Variants in STON1 observed in about 807,000 individuals in gnomAD.
STON1 encodes the protein stonin 1.
A neutral mutation model predicts 60.9 loss-of-function variants in STON1; 79 were observed. The observed-to-expected ratio is 1.30, with a 90% CI of 1.08 to 1.56. The LOEUF is 1.56. Ranked by LOEUF, STON1 falls within the 40% of genes most tolerant of loss-of-function variation. STON1 has a pLI of 0.00. For synonymous variants in STON1, 363 were observed against 306.9 expected (o/e 1.18, Z -1.91); for missense variants, 1,166 against 858.9 (o/e 1.36, Z -4.47).
rs1185709999 is a variant in STON1 at position 48,592,005 on chromosome 2, C to T, written c.2133+150C>T. On this transcript the variant is annotated intron_variant, in intron 3 of 3. Coordinates refer to ENST00000404752, the MANE Select transcript of STON1 (RefSeq NM_006873.4). ...ATCTCAGCTATGGAAACTTGATGGC[C>T]ACCATTGAGCTTAGTTCTTCCTATC... The T allele has an allele frequency of 1.7e-5, 18 of 1,038,590 alleles. No homozygotes were observed. In the Admixed American group the frequency reaches 1.9e-4, roughly 11 times the overall value. 64.3% of individuals were successfully genotyped at this position (1,038,590 alleles called of 1,614,324 possible).
chr2:48,585,478 A>G (rs1218991837), intron 2 of STON1, among the ~76,000 whole-genome samples: 1 of 151,876 alleles, frequency 6.6e-6, no homozygotes, highest in Non-Finnish European at 1.5e-5. Flanking sequence ...CGAACTCCCA[A>G]CCTCAGGTGA....
intron 1 of STON1, among the ~76,000 whole-genome samples, chr2:48,575,618 A>AC (rs1673440841): frequency 6.6e-6 from 1 of 151,926 alleles, no homozygotes; most frequent in Non-Finnish European, 1.5e-5. Context: ...GCGTCACTGC[A>AC]CTCCAGCCTG....
chr2:48,573,905 G>C (rs963315297), intron 1 of STON1, among the ~76,000 whole-genome samples: 1 of 152,172 alleles, frequency 6.6e-6, no homozygotes, highest in Non-Finnish European at 1.5e-5. Flanking sequence ...TATGCTAGGT[G>C]AAAGAAGCCA....
At chr2:48,575,330 G>A (rs1673421085) in intron 1 of STON1, among the ~76,000 whole-genome samples, 1 of 152,140 alleles carries the variant, frequency 6.6e-6, no homozygotes, top group African/African-American at 2.4e-5. Flanking sequence ...ATATGAGAGT[G>A]CAAATATTTT....
chr2:48,581,647 C>G lies in STON1; in HGVS notation c.1014C>G (p.Phe338Leu). The G allele has an allele frequency of 1.2e-6, 2 of 1,613,998 alleles. No individual in the cohort carries two copies. The highest frequency in any genetic ancestry group is 1.7e-6 in the Non-Finnish European group (2 of 1,180,006). The change falls in exon 2 of 4, where the codon TTC becomes TTG. Residue 338 changes from phenylalanine to leucine, a missense_variant. By Grantham distance (22) the Phe-to-Leu change is conservative. Coordinates refer to ENST00000404752, the MANE Select transcript of STON1 (RefSeq NM_006873.4). Reference protein sequence around the residue: ...CRLSEPKVENFSVAGKIHTVK... With the variant: ...CRLSEPKVENLSVAGKIHTVK... Reference sequence around the variant, plus strand: ...TTTCTGAACCCAAGGTTGAGAACTTCAGTGTAGCAGGAAAAATCCACACTG... The same window carrying G: ...TTTCTGAACCCAAGGTTGAGAACTTGAGTGTAGCAGGAAAAATCCACACTG...
intron 3 of STON1, among the ~76,000 whole-genome samples, chr2:48,592,461 T>C (rs959468332): frequency 1.1e-4 from 17 of 151,466 alleles, no homozygotes; most frequent in Non-Finnish European, 1.9e-4. Flanking sequence ...AGACGGCATC[T>C]CACTCTGTCA....
In STON1 at chr2:48,596,800, C is replaced by T; in HGVS notation, c.*1498C>T. On this transcript the variant is annotated 3_prime_UTR_variant, in exon 4 of 4. Coordinates refer to ENST00000404752, the MANE Select transcript of STON1 (RefSeq NM_006873.4). ...GCTTTTCATTATTTTACTGTAAAGG[C>T]AAAGAATGCAATAGGTGATGGTTGG... is the stretch of plus-strand genomic sequence containing the variant. 6.6e-6 allele frequency: 1 copy of T among 152,058 alleles called. No individual in the cohort carries two copies. The allele number at this position is 152,058 out of a possible 1,614,324, so 9.4% of individuals were successfully genotyped here.
chr2:48,564,082 G>C (rs1672724444), intron 1 of STON1, among the ~76,000 whole-genome samples: 1 of 152,142 alleles, frequency 6.6e-6, no homozygotes. Flanking sequence ...TTGCCATGAA[G>C]AGACCTGTAA....
chr2:48,564,732 TC>T (rs1338183920), intron 1 of STON1, among the ~76,000 whole-genome samples: 6 of 128,760 alleles, frequency 4.7e-5, no homozygotes, highest in Non-Finnish European at 8.8e-5. Context: ...TTTCTTTCTT[TC>T]TTTTTTTTTT....
intron 1 of STON1, among the ~76,000 whole-genome samples, chr2:48,571,786 G>A (rs1673221924): frequency 6.6e-6 from 1 of 152,172 alleles, no homozygotes; most frequent in Admixed American, 6.5e-5. Context: ...CAACTGGCTG[G>A]TGGGGGTTTT....
Position 48,564,639 on chromosome 2 carries a change from C to A in STON1, c.-47-15948C>A, listed in dbSNP as rs1478757416. Among the ~76,000 whole-genome samples, 14 of 117,808 alleles carry A rather than the reference C, an allele frequency of 1.2e-4. 1 individual carries two copies. Among genetic ancestry groups the A allele is most frequent in the African/African-American group, 4.4e-4 (12 of 27,168 alleles). 77.3% of individuals were successfully genotyped at this position (117,808 alleles called of 152,430 possible). The stretch of plus-strand genomic sequence containing the variant: ...CCTTCTCCTTCTCCTTCTCTTTCTC[C>A]TTCTCCTTCTTCTTCTTCTTTCTTA... On this transcript the variant is annotated intron_variant, in intron 1 of 3. Transcript: ENST00000404752.
chr2:48,556,243 C>T lies in STON1; in HGVS notation c.-47-24344C>T, dbSNP rs1156860834. Among the ~76,000 whole-genome samples, 58 of 26,736 alleles carry T rather than the reference C, an allele frequency of 2.2e-3. 1 individual carries two copies. Among genetic ancestry groups the T allele is most frequent in the East Asian group, 2.6e-3 (2 of 770 alleles). 17.5% of individuals were successfully genotyped at this position (26,736 alleles called of 152,430 possible). A position where few individuals can be genotyped will look rare whatever the true frequency, so the allele number is the denominator to read the frequency against. The stretch of plus-strand genomic sequence containing the variant: ...CTGACCCCCCCACCTCCCTCCCGGA[C>T]GGGGCGGCTGGCCGGGCAGAGGGGC... On this transcript the variant is annotated intron_variant, in intron 1 of 3. Coordinates refer to ENST00000404752, the MANE Select transcript of STON1 (RefSeq NM_006873.4).
chr2:48,538,871 G>C (rs1442965763), intron 1 of STON1, among the ~76,000 whole-genome samples: 1 of 151,028 alleles, frequency 6.6e-6, no homozygotes, highest in African/African-American at 2.4e-5. Flanking sequence ...GCCTGCCGCG[G>C]CCTCCCAAAA....
In STON1 at chr2:48,582,304, C is replaced by G; in HGVS notation, c.1671C>G (p.Ser557=). The G allele has an allele frequency of 4.3e-6, 7 of 1,614,164 alleles. No homozygotes were observed. The highest frequency in any genetic ancestry group is 5.1e-6 in the Non-Finnish European group (6 of 1,179,998). ...TGGCCTCATTGGCGCAGAGGTCATC[C>G]TATGCTGGTTCCTTAAGGTCCTGTG... ...VNMASLAQRS[S]YAGSLRSCDN... The change falls in exon 2 of 4, where the codon TCC becomes TCG. Residue 557 remains serine, a synonymous_variant. Transcript: ENST00000404752.
At chr2:48,568,717 T>G (rs1673054434) in intron 1 of STON1, among the ~76,000 whole-genome samples, 1 of 152,216 alleles carries the variant, frequency 6.6e-6, no homozygotes, top group African/African-American at 2.4e-5. Context: ...AAAGCCATTC[T>G]CAGAAATGAC....
chr2:48,553,102 C>G (rs1393989381), intron 1 of STON1, among the ~76,000 whole-genome samples: 1 of 152,134 alleles, frequency 6.6e-6, no homozygotes, highest in Non-Finnish European at 1.5e-5. Context: ...TGGGTCATTT[C>G]AGGGGTATGA....
chr2:48,582,150 C>A lies in STON1; in HGVS notation c.1517C>A (p.Pro506His), dbSNP rs749744394. The A allele has an allele frequency of 1.2e-6, 2 of 1,614,176 alleles. No homozygotes were observed. Among genetic ancestry groups the A allele is most frequent in the East Asian group, 2.2e-5 (1 of 44,882 alleles). The change falls in exon 2 of 4, where the codon CCT becomes CAT. Residue 506 changes from proline to histidine, a missense_variant. Physicochemically the swap from Pro to His is moderately conservative, Grantham distance 77. Coordinates refer to ENST00000404752, the MANE Select transcript of STON1 (RefSeq NM_006873.4). ...CAATCAAGAATCATTAAGTTTGTAC[C>A]TCTGGATGCCTGCCGGTTTGAGCTG... Reference protein sequence around the residue: ...FEQSRIIKFVPLDACRFELMR... With the variant: ...FEQSRIIKFVHLDACRFELMR...
chr2:48,585,867 C>T (rs1048657166), intron 2 of STON1, among the ~76,000 whole-genome samples: 2 of 152,206 alleles, frequency 1.3e-5, no homozygotes, highest in Admixed American at 6.5e-5. Flanking sequence ...GAGATGGTCT[C>T]GAGGACTAGA....
Position 48,581,387 on chromosome 2 carries a change from T to C in STON1, c.754T>C (p.Cys252Arg), listed in dbSNP as rs1673875414. The C allele has an allele frequency of 6.3e-7, 1 of 1,598,722 alleles. No homozygotes were observed. The highest frequency in any genetic ancestry group is 8.5e-7 in the Non-Finnish European group (1 of 1,171,972). Reference sequence around the variant, plus strand: ...CTCACTTAGAAGTTTGTCTATGCACTGTCTATGTGCTGAAGAAAATGCCTC... The same window carrying C: ...CTCACTTAGAAGTTTGTCTATGCACCGTCTATGTGCTGAAGAAAATGCCTC... ...QDSLRSLSMHCLCAEENASSF... is the reference protein window; with the variant it reads ...QDSLRSLSMHRLCAEENASSF... The change falls in exon 2 of 4, where the codon TGT (cysteine) becomes CGT (arginine). Residue 252 changes from cysteine to arginine, a missense_variant. Physicochemically the swap from Cys to Arg is radical, Grantham distance 180. Coordinates refer to ENST00000404752, the MANE Select transcript of STON1 (RefSeq NM_006873.4).
Sources: gnomAD v4.1 joint callset for allele counts (sites outside exome capture counted in the v4.1 genomes callset) on GRCh38, gnomAD v4.1.1 for gene constraint, MANE v1.5 for transcripts, NCBI Gene and HGNC (gene_info 2026-07-23, HGNC 2026-07-21) for gene names.